Variants in PRELID2 observed in about 807,000 individuals in gnomAD.
PRELID2 encodes the protein PRELI domain containing 2.
In PRELID2, 25 loss-of-function variants were observed where a neutral mutation model predicts 28.4. The ratio of observed to expected loss-of-function variants is 0.88; its 90% CI spans 0.64 to 1.23. The LOEUF is 1.23. Among genes scored for constraint, PRELID2 ranks in the 50% most tolerant of loss-of-function variants. PRELID2 has a pLI of 0.00. For missense variants in PRELID2, 201 were observed against 214.4 expected (o/e 0.94, Z 0.39); for synonymous variants, 76 against 71.6 (o/e 1.06, Z -0.31).
the PRELID2 span, among the ~76,000 whole-genome samples, chr5:145,441,726 C>A: frequency 2.0e-5 from 3 of 152,060 alleles, no homozygotes; most frequent in African/African-American, 7.2e-5. Context: ...ATGGTGAAGG[C>A]ACACAGCCTC....
chr5:145,727,119 AG>A (rs1157202842), intron 1 of PRELID2, among the ~76,000 whole-genome samples: 1 of 152,210 alleles, frequency 6.6e-6, no homozygotes, highest in Admixed American at 6.6e-5. Flanking sequence ...TGGGGTTGAA[AG>A]GGAGCACTGC....
At chr5:145,456,867 A>T in the PRELID2 span, among the ~76,000 whole-genome samples, 1 of 152,312 alleles carries the variant, frequency 6.6e-6, no homozygotes, top group African/African-American at 2.4e-5. Flanking sequence ...GTAGTGCAGC[A>T]GCTGTGGTGA....
chr5:145,364,098 C>G, the PRELID2 span, among the ~76,000 whole-genome samples: 1 of 151,896 alleles, frequency 6.6e-6, no homozygotes, highest in East Asian at 1.9e-4. Context: ...TTCATAAGAG[C>G]TACTTTTAAA....
the PRELID2 span, among the ~76,000 whole-genome samples, chr5:145,377,379 T>C: frequency 6.6e-6 from 1 of 152,196 alleles, no homozygotes; most frequent in Admixed American, 6.5e-5. Context: ...TGAAGAGTTC[T>C]GTAGATGTTT....
the PRELID2 span, among the ~76,000 whole-genome samples, chr5:145,245,889 A>C: frequency 6.6e-6 from 1 of 151,836 alleles, no homozygotes; most frequent in Non-Finnish European, 1.5e-5. Flanking sequence ...GCACCGTGGC[A>C]CTCAACACAT....
At chr5:145,654,126 C>A (rs56299756) in intron 1 of PRELID2, among the ~76,000 whole-genome samples, 2 of 151,996 alleles carry the variant, frequency 1.3e-5, no homozygotes, top group Non-Finnish European at 2.9e-5. Flanking sequence ...AACACCTCTA[C>A]GCAAATAAAC....
intron 1 of PRELID2, among the ~76,000 whole-genome samples, chr5:145,568,774 C>T (rs1752990448): frequency 6.6e-6 from 1 of 152,202 alleles, no homozygotes; most frequent in Admixed American, 6.5e-5. Context: ...ACTTGGGCAG[C>T]CAATCATTTC....
At chr5:145,362,816 C>A in the PRELID2 span, among the ~76,000 whole-genome samples, 1 of 152,032 alleles carries the variant, frequency 6.6e-6, no homozygotes, top group African/African-American at 2.4e-5. Context: ...GTTTTGGCTG[C>A]CATGAAAGGA....
the PRELID2 span, among the ~76,000 whole-genome samples, chr5:145,455,506 T>G: frequency 1.3e-5 from 2 of 152,202 alleles, no homozygotes; most frequent in Non-Finnish European, 2.9e-5. Context: ...TTGGTGGGGA[T>G]AGCATTGAAT....
chr5:145,255,564 A>T, the PRELID2 span, among the ~76,000 whole-genome samples: 1 of 151,948 alleles, frequency 6.6e-6, no homozygotes, highest in East Asian at 1.9e-4. Flanking sequence ...GCTTGAGCCT[A>T]GTAGTTTGAA....
At chr5:145,572,177 T>C (rs1273826055) in intron 1 of PRELID2, among the ~76,000 whole-genome samples, 1 of 152,092 alleles carries the variant, frequency 6.6e-6, no homozygotes, top group African/African-American at 2.4e-5. Context: ...AATCAGAAAA[T>C]TTTGGCTTCT....
At chr5:145,334,453 A>C in the PRELID2 span, among the ~76,000 whole-genome samples, 1 of 152,314 alleles carries the variant, frequency 6.6e-6, no homozygotes, top group Non-Finnish European at 1.5e-5. Context: ...TCTTTTAAAA[A>C]TACTTTTGTC....
intron 1 of PRELID2, among the ~76,000 whole-genome samples, chr5:145,736,558 T>G (rs1352687526): frequency 6.6e-6 from 1 of 152,204 alleles, no homozygotes; most frequent in African/African-American, 2.4e-5. Context: ...CTATGATCTA[T>G]CTGGTGAGCC....
chr5:145,672,111 C>A (rs1283985803), intron 1 of PRELID2, among the ~76,000 whole-genome samples: 1 of 152,124 alleles, frequency 6.6e-6, no homozygotes, highest in African/African-American at 2.4e-5. Flanking sequence ...TTGTCAAAAT[C>A]CTCAAAATAT....
chr5:145,810,454 T>G (rs1044959535), intron 4 of PRELID2, among the ~76,000 whole-genome samples: 5 of 152,198 alleles, frequency 3.3e-5, no homozygotes, highest in African/African-American at 9.7e-5. Context: ...TACTATTCTT[T>G]CCAGAGCTTA....
downstream of PRELID2, among the ~76,000 whole-genome samples, chr5:145,470,064 T>C (rs1752040222): frequency 6.6e-6 from 1 of 152,174 alleles, no homozygotes; most frequent in Non-Finnish European, 1.5e-5. Flanking sequence ...AAGTAAACTA[T>C]AACACATCCA....
chr5:145,437,954 C>A, the PRELID2 span, among the ~76,000 whole-genome samples: 1 of 152,098 alleles, frequency 6.6e-6, no homozygotes, highest in Non-Finnish European at 1.5e-5. Flanking sequence ...CTAGAGCCAT[C>A]CATCCCCAAA....
At chr5:145,748,052 A>G (rs1757037280) in intron 1 of PRELID2, among the ~76,000 whole-genome samples, 1 of 152,232 alleles carries the variant, frequency 6.6e-6, no homozygotes, top group African/African-American at 2.4e-5. Flanking sequence ...AGCCAATATC[A>G]TATTGAAGGG....
chr5:145,325,746 G>T, the PRELID2 span, among the ~76,000 whole-genome samples: 1 of 152,032 alleles, frequency 6.6e-6, no homozygotes, highest in Non-Finnish European at 1.5e-5. Context: ...ATGAATTTTG[G>T]CAATCTATCT....
Sources: allele counts gnomAD v4.1 joint callset (sites outside exome capture counted in the v4.1 genomes callset), GRCh38; gene constraint gnomAD v4.1.1; transcripts MANE v1.5; gene names NCBI Gene and HGNC (gene_info 2026-07-23, HGNC 2026-07-21).